GRIP1: variants seen among roughly 807,000 people sequenced by gnomAD.
GRIP1 encodes glutamate receptor interacting protein 1.
In GRIP1, 45 loss-of-function variants were observed where a neutral mutation model predicts 129.9. The observed-to-expected ratio is 0.35, with a 90% confidence interval of 0.27 to 0.44. The LOEUF (loss-of-function observed/expected upper bound fraction) is 0.44. Among genes scored for constraint, GRIP1 ranks in the 20% least tolerant of loss-of-function variants. GRIP1 has a pLI of 1.00. For missense variants in GRIP1, 1,196 were observed against 1,396.8 expected (o/e 0.86, Z 2.29); for synonymous variants, 530 against 520.8 (o/e 1.02, Z -0.24).
Position 66,455,888 on chromosome 12 carries a change from C to T in GRIP1, c.1198+299G>A, listed in dbSNP as rs1343709509. On this transcript the variant is annotated intron_variant, in intron 10 of 24. Transcript: ENST00000359742. ...ATAATCTCATTTTCATATTTTCTGACATGAATTTCATAAGTGATTCCACAT... is the reference window on the plus strand; with the variant it reads ...ATAATCTCATTTTCATATTTTCTGATATGAATTTCATAAGTGATTCCACAT... 2.0e-5 allele frequency among the ~76,000 whole-genome samples: 3 copies of T among 152,186 alleles called. No homozygotes were observed. The East Asian group carries it at 5.8e-4, about 29-fold the overall frequency.
chr12:66,765,547 G>C (rs893244498), intron 1 of GRIP1, among the ~76,000 whole-genome samples: 6 of 152,176 alleles, frequency 3.9e-5, no homozygotes, highest in Non-Finnish European at 7.3e-5. Flanking sequence ...AATGAAGGGG[G>C]ACTAATTCTC....
intron 1 of GRIP1, among the ~76,000 whole-genome samples, chr12:66,819,478 C>T (rs184810808): frequency 9.7e-4 from 148 of 152,278 alleles, no homozygotes; most frequent in Middle Eastern, 3.4e-3. Flanking sequence ...CATTGCCTAA[C>T]GTTAATAAAT....
intron 12 of GRIP1, among the ~76,000 whole-genome samples, chr12:66,445,034 A>G (rs1362501836): frequency 2.0e-5 from 3 of 152,248 alleles, no homozygotes; most frequent in Non-Finnish European, 4.4e-5. Context: ...CCCATGGCAG[A>G]AACTATTGAA....
At position 66,539,064 on chromosome 12, in the gene GRIP1, G is replaced by C. The variant is rs79994510; in HGVS notation, c.418+14C>G. On this transcript the variant is annotated intron_variant, in intron 4 of 24. Transcript: ENST00000359742. ...AATGTATCCCCTATGGATAAGGGGGGCTACTGTACTTACAGACCGGTGGAA... is the reference window on the plus strand; with the variant it reads ...AATGTATCCCCTATGGATAAGGGGGCCTACTGTACTTACAGACCGGTGGAA... The C allele has an allele frequency of 1.9e-6, 3 of 1,610,326 alleles. No individual in the cohort carries two copies. In the African/African-American group the frequency reaches 4.0e-5, roughly 22 times the overall value.
rs1250886684 is a variant in GRIP1, at chr12:66,827,383, TGTGTGAGAGAGAGA to T, written c.59-230470_59-230457del. ...AACCAGGTGTGTGTGTGTGTGTGTG[TGTGTGAGAGAGAGA>T]GAGAGAGAGAGAGAGAGAGCGCACA... On this transcript the variant is annotated intron_variant, in intron 1 of 1. Transcript: ENST00000643019. Among the ~76,000 whole-genome samples the T allele has an allele frequency of 6.7e-4, 74 of 110,194 alleles. No individual in the cohort carries two copies. The South Asian group carries it at 0.013, about 20-fold the overall frequency. The allele number at this position is 110,194 out of a possible 152,430, so 72.3% of individuals were successfully genotyped here.
At chr12:66,723,286 T>TCC (rs1190185632) in intron 1 of GRIP1, among the ~76,000 whole-genome samples, 3,518 of 21,304 alleles carry the variant, frequency 0.17, 159 homozygotes, top group Non-Finnish European at 0.18. Flanking sequence ...CTTCCTTCCT[T>TCC]TCTTTCTTTC....
At chr12:66,955,504 G>GTTTTTTTT (rs71088226) in intron 1 of GRIP1, among the ~76,000 whole-genome samples, 1 of 114,538 alleles carries the variant, frequency 8.7e-6, no homozygotes, top group Non-Finnish European at 1.7e-5. Flanking sequence ...TACTTTTTTG[G>GTTTTTTTT]TTTTTTTTTT....
At chr12:66,392,272 A>G (rs2056617068) in intron 19 of GRIP1, 36 bp downstream of exon 19, 1 of 1,266,812 alleles carries the variant, frequency 7.9e-7, no homozygotes, top group African/African-American at 1.4e-5. Flanking sequence ...GGCTTCAACA[A>G]TGACAAGTCC....
At chr12:66,821,514 T>G (rs532522479) in intron 1 of GRIP1, among the ~76,000 whole-genome samples, 21 of 152,310 alleles carry the variant, frequency 1.4e-4, no homozygotes, top group Non-Finnish European at 2.6e-4. Flanking sequence ...GATTTCTAGC[T>G]TAGGTTGAGA....
intron 1 of GRIP1, among the ~76,000 whole-genome samples, chr12:66,959,092 AT>A (rs2041885788): frequency 6.6e-6 from 1 of 152,066 alleles, no homozygotes; most frequent in African/African-American, 2.4e-5. Flanking sequence ...TTCTTTCCCC[AT>A]TTTTTAATTG....
chr12:66,982,556 C>T (rs1447831448), intron 1 of GRIP1, among the ~76,000 whole-genome samples: 1 of 152,128 alleles, frequency 6.6e-6, no homozygotes, highest in African/African-American at 2.4e-5. Context: ...TATGATCTGC[C>T]CTGTGGAAGA....
At position 66,930,056 on chromosome 12, in the gene GRIP1, T is replaced by TC. The variant is rs1555253100; in HGVS notation, c.58+138993_58+138994insG. Among the ~76,000 whole-genome samples, 312 of 55,600 alleles carry TC rather than the reference T, an allele frequency of 5.6e-3. 4 individuals are homozygous for TC. The highest frequency in any genetic ancestry group is 5.5e-3 in the Non-Finnish European group (153 of 27,850). 36.5% of individuals were successfully genotyped at this position (55,600 alleles called of 152,430 possible). The stretch of plus-strand genomic sequence containing the variant: ...TACCCAGGTTCTCTCTCTCTCTCTC[T>TC]TTTTTTTTTTTTTTACGTCAATGCA... On this transcript the variant is annotated intron_variant, in intron 1 of 1. Coordinates refer to the GRIP1 transcript ENST00000643019.
intron 1 of GRIP1, among the ~76,000 whole-genome samples, chr12:66,824,328 G>A (rs1184909328): frequency 6.6e-6 from 1 of 152,216 alleles, no homozygotes. Context: ...CATAGCCTGT[G>A]CTGTTGAAGC....
At chr12:66,756,010 T>C (rs1256486195) in intron 1 of GRIP1, among the ~76,000 whole-genome samples, 2 of 152,170 alleles carry the variant, frequency 1.3e-5, no homozygotes, top group Non-Finnish European at 2.9e-5. Context: ...CTCCCTTGCC[T>C]CCTTCCCCCA....
chr12:66,597,974 A>T (rs2064120449), intron 1 of GRIP1, among the ~76,000 whole-genome samples: 2 of 152,348 alleles, frequency 1.3e-5, no homozygotes, highest in African/African-American at 4.8e-5. Flanking sequence ...ATTATCTAGC[A>T]TATTCAGTCA....
Position 66,517,776 on chromosome 12 carries a change from C to T in GRIP1, c.578+125G>A, listed in dbSNP as rs764916055. ...CCATAGTTCAGACTCTCAATTTTCACATTGTAACATGTTTGCTTAATAGCT... is the reference window on the plus strand; with the variant it reads ...CCATAGTTCAGACTCTCAATTTTCATATTGTAACATGTTTGCTTAATAGCT... On this transcript the variant is annotated intron_variant, in intron 6 of 24. Coordinates refer to ENST00000359742, the MANE Select transcript of GRIP1 (RefSeq NM_001366722.1). The T allele has an allele frequency of 8.3e-4, 576 of 697,526 alleles. 2 individuals are homozygous for T. The highest frequency in any genetic ancestry group is 7.5e-4 in the Non-Finnish European group (289 of 383,302). The allele number at this position is 697,526 out of a possible 1,614,324, so 43.2% of individuals were successfully genotyped here.
At chr12:66,776,360 T>C (rs1277059534) in intron 1 of GRIP1, among the ~76,000 whole-genome samples, 1 of 152,216 alleles carries the variant, frequency 6.6e-6, no homozygotes, top group East Asian at 1.9e-4. Context: ...ACACTAAAGA[T>C]AGAATACGTA....
In GRIP1 at chr12:66,967,231, G is replaced by A. The variant is rs73315242; in HGVS notation, c.58+101819C>T. On this transcript the variant is annotated intron_variant, in intron 1 of 1. Coordinates refer to the GRIP1 transcript ENST00000643019. The stretch of plus-strand genomic sequence containing the variant: ...ACACATTTATGTGGTACAGTGTGAT[G>A]TTTTGATACATGTATACATTGTGTA... Among the ~76,000 whole-genome samples the A allele has an allele frequency of 3.8e-3, 576 of 152,188 alleles. 5 individuals carry two copies. Among genetic ancestry groups the A allele is most frequent in the African/African-American group, 0.013 (556 of 41,522 alleles).
In GRIP1 at chr12:66,593,862, A is replaced by G. The variant is rs190499279; in HGVS notation, c.136+2985T>C. The stretch of plus-strand genomic sequence containing the variant: ...GGTGGGCGGATCACGAGGTCATGAG[A>G]TGGAGACCATCCTGGTCAACATGGT... On this transcript the variant is annotated intron_variant, in intron 2 of 24. Coordinates refer to ENST00000359742, the MANE Select transcript of GRIP1 (RefSeq NM_001366722.1). Among the ~76,000 whole-genome samples, 3 of 152,010 alleles carry G rather than the reference A, an allele frequency of 2.0e-5. No individual in the cohort carries two copies. The East Asian group carries it at 5.8e-4, about 29-fold the overall frequency.
Sources: gnomAD v4.1 joint callset for allele counts (sites outside exome capture counted in the v4.1 genomes callset) on GRCh38, gnomAD v4.1.1 for gene constraint, MANE v1.5 for transcripts, NCBI Gene and HGNC (gene_info 2026-07-23, HGNC 2026-07-21) for gene names.